A1CF: variants seen among roughly 807,000 people sequenced by gnomAD.
A1CF encodes APOBEC-1 stimulating protein.
Under a neutral mutation model 68.9 loss-of-function variants are expected in A1CF, and 48 were observed. That is an observed-to-expected ratio of 0.70 (90% CI 0.55 to 0.89). The LOEUF (loss-of-function observed/expected upper bound fraction) is 0.89, where lower values mean the gene tolerates loss of function less well. Ranked by LOEUF, A1CF falls within the 40% of genes least tolerant of loss-of-function variation. A1CF has a pLI of 0.00. For missense variants in A1CF, 653 were observed against 718.9 expected, an observed-to-expected ratio of 0.91 and a Z score of 1.05; for synonymous variants, 272 against 260.4, an observed-to-expected ratio of 1.04 and a Z score of -0.43.
chr10:50,846,047 G>A lies in A1CF; in HGVS notation c.100-1925C>T, dbSNP rs188461503. 1.8e-4 allele frequency among the ~76,000 whole-genome samples: 27 copies of A among 151,272 alleles called. No individual in the cohort carries two copies. The South Asian group carries it at 4.0e-3, about 22-fold the overall frequency. Reference sequence around the variant, plus strand: ...GCAATTTAAAATCCTTTCAATTTCCGATCATTTTATTACATAAAATATTTG... The same window carrying A: ...GCAATTTAAAATCCTTTCAATTTCCAATCATTTTATTACATAAAATATTTG... On this transcript the variant is annotated intron_variant, in intron 3 of 12. Coordinates refer to ENST00000373997, the MANE Select transcript of A1CF (RefSeq NM_014576.4).
rs1839066051 is a variant in A1CF at position 50,828,249 on chromosome 10, C to T, written c.651G>A (p.Glu217=). 2 of 1,606,988 alleles carry T rather than the reference C, an allele frequency of 1.2e-6. No homozygotes were observed. The highest frequency in any genetic ancestry group is 1.1e-5 in the South Asian group (1 of 90,226). ...TATCTTCATCAACTTCTACTTCTGG[C>T]TCTGCCCAGTCTACTGCAATACCAT... The part of the protein sequence containing the change: ...WGHGIAVDWA[E]PEVEVDEDTM... The change falls in exon 7 of 13, where the codon GAG becomes GAA. Residue 217 remains glutamate (E), a synonymous_variant. Coordinates refer to ENST00000373997, the MANE Select transcript of A1CF (RefSeq NM_014576.4).
At chr10:50,858,601 G>T (rs940869078) in intron 3 of A1CF, among the ~76,000 whole-genome samples, 6 of 152,136 alleles carry the variant, frequency 3.9e-5, no homozygotes, top group South Asian at 4.1e-4. Flanking sequence ...CTGTTTGAAA[G>T]GGTTGAAATG....
chr10:50,834,464 G>A (rs1324090894), intron 6 of A1CF, among the ~76,000 whole-genome samples: 1 of 152,196 alleles, frequency 6.6e-6, no homozygotes, highest in South Asian at 2.1e-4. Flanking sequence ...GCATGGAAGT[G>A]TCTAGGTCAT....
intron 1 of A1CF, among the ~76,000 whole-genome samples, chr10:50,866,954 G>A (rs895978925): frequency 3.3e-5 from 5 of 151,622 alleles, no homozygotes; most frequent in Non-Finnish European, 7.4e-5. Flanking sequence ...GGCTCAAGCA[G>A]TCTTCCCATC....
At chr10:50,872,341 A>G (rs1841307022) in intron 1 of A1CF, among the ~76,000 whole-genome samples, 1 of 152,184 alleles carries the variant, frequency 6.6e-6, no homozygotes, top group Non-Finnish European at 1.5e-5. Context: ...TGATGTAGCT[A>G]TTATTATTCC....
chr10:50,840,935 A>G (rs1332712344), intron 5 of A1CF, among the ~76,000 whole-genome samples: 1 of 152,060 alleles, frequency 6.6e-6, no homozygotes, highest in Non-Finnish European at 1.5e-5. Context: ...TCTAAATCCA[A>G]TCTCTAGCCA....
chr10:50,815,909 T>C, intron 9 of A1CF, 97 bp downstream of exon 9: 7 of 1,388,890 alleles, frequency 5.0e-6, no homozygotes, highest in Non-Finnish European at 6.9e-6. Flanking sequence ...TTCAGTGCTT[T>C]TCTCCAAGTG....
At chr10:50,881,083 G>A (rs1014802501) in intron 1 of A1CF, among the ~76,000 whole-genome samples, 5 of 151,768 alleles carry the variant, frequency 3.3e-5, no homozygotes, top group Non-Finnish European at 7.4e-5. Flanking sequence ...TTCGCCTCCT[G>A]GGTTCAAGTG....
chr10:50,820,632 T>C lies in A1CF; in HGVS notation c.787A>G (p.Lys263Glu). The part of the protein sequence containing the change: ...NIKPGAVERV[K>E]KIRDYAFVHF... ...ACAAAAGCATAGTCTCGAATTTTCTTCACCCTCTCCACAGCACCTGTAAAA... is the reference window on the plus strand; with the variant it reads ...ACAAAAGCATAGTCTCGAATTTTCTCCACCCTCTCCACAGCACCTGTAAAA... Residue 263 changes from lysine (K) to glutamate (E), a missense_variant, in exon 8 of 13, where the codon AAG becomes GAG. Coordinates refer to ENST00000373997, the MANE Select transcript of A1CF (RefSeq NM_014576.4). 3.1e-6 allele frequency: 5 copies of C among 1,613,478 alleles called. No homozygotes were observed. Among genetic ancestry groups the C allele is most frequent in the Non-Finnish European group, 4.2e-6 (5 of 1,179,698 alleles).
chr10:50,825,844 C>T (rs568087071), intron 7 of A1CF, among the ~76,000 whole-genome samples: 1 of 152,220 alleles, frequency 6.6e-6, no homozygotes, highest in East Asian at 1.9e-4. Flanking sequence ...AAGTGTATTC[C>T]ATTAGGCCAG....
In A1CF at chr10:50,876,697, C is replaced by A. The variant is rs543934727; in HGVS notation, c.-94+8884G>T. ...TGGGTCTCAAGCCTTTGGACTTGGG[C>A]TGGAACTATGCATGGGCTCCCCTGA... On this transcript the variant is annotated intron_variant, in intron 1 of 12. Transcript: ENST00000373997. 2.0e-4 allele frequency among the ~76,000 whole-genome samples: 30 copies of A among 152,248 alleles called. No individual in the cohort carries two copies. The South Asian group carries it at 4.3e-3, about 22-fold the overall frequency.
intron 5 of A1CF, among the ~76,000 whole-genome samples, chr10:50,839,213 C>T (rs755002630): frequency 1.3e-5 from 2 of 152,138 alleles, no homozygotes; most frequent in Non-Finnish European, 2.9e-5. Context: ...AAAGTATTTA[C>T]AGGCCCTATT....
chr10:50,860,838 G>A (rs1013760982), intron 2 of A1CF, among the ~76,000 whole-genome samples: 1 of 152,136 alleles, frequency 6.6e-6, no homozygotes, highest in Non-Finnish European at 1.5e-5. Context: ...GTTCTAGGCT[G>A]TAGGAGTGTG....
At chr10:50,847,743 C>A (rs144697345) in intron 3 of A1CF, among the ~76,000 whole-genome samples, 193 of 152,278 alleles carry the variant, frequency 1.3e-3, no homozygotes, top group African/African-American at 4.5e-3. Context: ...GTTTCCTTTA[C>A]TAAACCATGG....
At chr10:50,835,076 A>C (rs763441717) in intron 6 of A1CF, among the ~76,000 whole-genome samples, 6 of 152,176 alleles carry the variant, frequency 3.9e-5, no homozygotes, top group Non-Finnish European at 7.3e-5. Flanking sequence ...GAAGTTGTGA[A>C]TGAAAGATTC....
chr10:50,820,526 A>C, intron 8 of A1CF, 26 bp downstream of exon 8: 2 of 1,601,402 alleles, frequency 1.2e-6, no homozygotes, highest in African/African-American at 2.7e-5. Flanking sequence ...TGTAATCTGC[A>C]TATTTTTTTC....
chr10:50,835,781 T>C (rs1260318521), intron 6 of A1CF, among the ~76,000 whole-genome samples: 3 of 152,096 alleles, frequency 2.0e-5, no homozygotes, highest in South Asian at 2.1e-4. Flanking sequence ...GTAACTGTGA[T>C]TGATATACTT....
At chr10:50,844,565 G>A (rs1203588925) in intron 3 of A1CF, among the ~76,000 whole-genome samples, 4 of 151,952 alleles carry the variant, frequency 2.6e-5, no homozygotes, top group Admixed American at 6.6e-5. Context: ...ATTGTTAAAC[G>A]TAGTCATCCT....
intron 4 of A1CF, among the ~76,000 whole-genome samples, chr10:50,842,470 G>A (rs989356280): frequency 3.3e-5 from 5 of 152,184 alleles, no homozygotes; most frequent in Non-Finnish European, 5.9e-5. Flanking sequence ...AATTAGCTGA[G>A]CGTGGTGGCA....
Sources: allele counts gnomAD v4.1 joint callset (sites outside exome capture counted in the v4.1 genomes callset), GRCh38; gene constraint gnomAD v4.1.1; transcripts MANE v1.5; gene names NCBI Gene and HGNC (gene_info 2026-07-23, HGNC 2026-07-21).